TOM1: variants seen among roughly 807,000 people sequenced by gnomAD.
The protein encoded by TOM1 is target of myb1 membrane trafficking protein.
In TOM1, 38 loss-of-function variants were observed where a neutral mutation model predicts 61.3. The ratio of observed to expected loss-of-function variants is 0.62; its 90% CI spans 0.48 to 0.81. The LOEUF (loss-of-function observed/expected upper bound fraction) is 0.81. TOM1 is among the 40% of genes least tolerant of loss of function. TOM1 has a pLI of 0.00. For synonymous variants in TOM1, 270 were observed against 268.8 expected, an observed-to-expected ratio of 1.00 and a Z score of -0.04; for missense variants, 591 against 659.6, an observed-to-expected ratio of 0.90 and a Z score of 1.14.
At chr22:35,299,708 T>G (rs966447593), upstream of TOM1, 2 of 584,480 alleles carry the variant, frequency 3.4e-6, no homozygotes, top group Non-Finnish European at 6.0e-6. Context: ...ACATCGTGTG[T>G]GACGCCCGCC....
chr22:35,330,253 G>T, intron 7 of TOM1, 94 bp from the exon 8 acceptor site: 1 of 1,357,536 alleles, frequency 7.4e-7, no homozygotes. Flanking sequence ...CTGCACTCCA[G>T]CCTGGGCGAC....
chr22:35,320,195 C>T (rs1189161615), intron 2 of TOM1, among the ~76,000 whole-genome samples: 2 of 152,216 alleles, frequency 1.3e-5, no homozygotes, highest in Non-Finnish European at 2.9e-5. Flanking sequence ...CATGGCAGAA[C>T]AGGCCAGGGA....
intron 1 of TOM1, among the ~76,000 whole-genome samples, chr22:35,310,475 A>G (rs1279241212): frequency 6.6e-6 from 1 of 152,164 alleles, no homozygotes; most frequent in African/African-American, 2.4e-5. Flanking sequence ...GTGAACTTCA[A>G]CCCAGTAGTT....
intron 2 of TOM1, among the ~76,000 whole-genome samples, chr22:35,318,878 G>C (rs1269075202): frequency 2.6e-5 from 4 of 152,370 alleles, no homozygotes; most frequent in South Asian, 2.1e-4. Flanking sequence ...CCCGCGGCCA[G>C]TGCAGGGTTC....
intron 13 of TOM1, 65 bp downstream of exon 13, chr22:35,345,849 C>A: frequency 6.4e-7 from 1 of 1,553,410 alleles, no homozygotes; most frequent in Non-Finnish European, 8.9e-7. Context: ...AAGAAATGAC[C>A]CATGGGGCCA....
chr22:35,320,782 C>G (rs957845600), intron 2 of TOM1, among the ~76,000 whole-genome samples: 2 of 152,090 alleles, frequency 1.3e-5, no homozygotes, highest in African/African-American at 4.8e-5. Flanking sequence ...ACTGTGTCCC[C>G]AGCACCTAGC....
At chr22:35,338,848 C>A in intron 12 of TOM1, 60 bp downstream of exon 12, 1 of 1,463,074 alleles carries the variant, frequency 6.8e-7, no homozygotes, top group Non-Finnish European at 9.1e-7. Context: ...AGGGAATGCT[C>A]ACCCACTGGG....
chr22:35,316,724 C>G (rs1927319964), intron 1 of TOM1, among the ~76,000 whole-genome samples: 1 of 152,156 alleles, frequency 6.6e-6, no homozygotes, highest in Non-Finnish European at 1.5e-5. Context: ...ACAGGTGTAC[C>G]AAATGCCACT....
chr22:35,332,882 T>C, intron 8 of TOM1, 99 bp from the exon 9 acceptor site: 1 of 1,182,588 alleles, frequency 8.5e-7, no homozygotes, highest in South Asian at 1.2e-5. Flanking sequence ...TAACCCACCG[T>C]GTTGATGTTG....
chr22:35,334,195 G>A, intron 10 of TOM1, 133 bp from the exon 11 acceptor site: 2 of 1,269,000 alleles, frequency 1.6e-6, no homozygotes, highest in Non-Finnish European at 1.1e-6. Flanking sequence ...CAGGTGGCCT[G>A]CCTCGCGCAT....
chr22:35,308,275 C>CTTTTTTTT (rs138770), intron 1 of TOM1, among the ~76,000 whole-genome samples: 5 of 129,444 alleles, frequency 3.9e-5, no homozygotes, highest in Admixed American at 8.3e-5. Flanking sequence ...TTCCTTTTCT[C>CTTTTTTTT]TTTTTTTTTT....
chr22:35,342,832 TAC>T (rs556806233), intron 12 of TOM1, among the ~76,000 whole-genome samples: 12 of 107,758 alleles, frequency 1.1e-4, no homozygotes, highest in South Asian at 3.1e-4. Context: ...CAGACACCCC[TAC>T]ACACACACCA....
intron 11 of TOM1, among the ~76,000 whole-genome samples, chr22:35,336,076 G>A (rs949337928): frequency 3.3e-5 from 5 of 152,178 alleles, no homozygotes; most frequent in African/African-American, 1.2e-4. Context: ...AGGGAGCACA[G>A]GAAGGATCTT....
In TOM1 at chr22:35,323,261, G is replaced by A. The variant is rs963903888; in HGVS notation, c.366+84G>A. ...TGCCCAGTGGAGAGTCGAGGCCATCGTGTTTGTCCCAGGCTCCGCTTCTCA... is the reference window on the plus strand; with the variant it reads ...TGCCCAGTGGAGAGTCGAGGCCATCATGTTTGTCCCAGGCTCCGCTTCTCA... On this transcript the variant is annotated intron_variant, in intron 4 of 14. Transcript: ENST00000449058. The surrounding 1 kb of genome is among the most constrained non-coding windows in gnomAD (Gnocchi z 4.2). 2.4e-5 allele frequency: 37 copies of A among 1,540,564 alleles called. No homozygotes were observed. The highest frequency in any genetic ancestry group is 2.0e-4 in the East Asian group (9 of 44,250).
intron 8 of TOM1, chr22:35,331,341 G>T: frequency 2.2e-6 from 1 of 453,666 alleles, no homozygotes; most frequent in South Asian, 1.6e-5. Flanking sequence ...CAAACTCTTG[G>T]CCTCAAGCAG....
Position 35,323,275 on chromosome 22 carries a change from C to T in TOM1, c.366+98C>T, listed in dbSNP as rs1927990960. The stretch of plus-strand genomic sequence containing the variant: ...TCGAGGCCATCGTGTTTGTCCCAGG[C>T]TCCGCTTCTCATTTCGGGGCGTCTC... On this transcript the variant is annotated intron_variant, in intron 4 of 14. Transcript: ENST00000449058. The surrounding 1 kb of genome is among the most constrained non-coding windows in gnomAD (Gnocchi z 4.2). 1 of 1,505,752 alleles carries T rather than the reference C, an allele frequency of 6.6e-7. No individual in the cohort carries two copies. The highest frequency in any genetic ancestry group is 1.4e-5 in the African/African-American group (1 of 71,244). 93.3% of individuals were successfully genotyped at this position (1,505,752 alleles called of 1,614,324 possible).
chr22:35,303,448 G>A (rs1926028426), intron 1 of TOM1, among the ~76,000 whole-genome samples: 1 of 151,560 alleles, frequency 6.6e-6, no homozygotes, highest in Non-Finnish European at 1.5e-5. Context: ...CACAGTGTGA[G>A]TGTATGGAAA....
Position 35,323,706 on chromosome 22 carries a change from C to T in TOM1, c.502-62C>T. The T allele has an allele frequency of 6.2e-7, 1 of 1,606,728 alleles. No individual in the cohort carries two copies. The highest frequency in any genetic ancestry group is 2.2e-5 in the East Asian group (1 of 44,700). On this transcript the variant is annotated intron_variant, in intron 5 of 14. Coordinates refer to ENST00000449058, the MANE Select transcript of TOM1 (RefSeq NM_005488.3). This position sits in a 1 kb window ranked among gnomAD's most constrained non-coding sequence, Gnocchi z 4.2. ...CCCAGAGACATCACCAGGCTGGCCC[C>T]TGACTTCCTGGGCTCTTGATGTTCC... is the stretch of plus-strand genomic sequence containing the variant.
chr22:35,331,563 C>T (rs541486288), intron 8 of TOM1: 8 of 313,130 alleles, frequency 2.6e-5, no homozygotes, highest in Non-Finnish European at 5.1e-5. Context: ...AGCAGTTCCT[C>T]TAAAGAGTAC....
Sources: allele counts gnomAD v4.1 joint callset (sites outside exome capture counted in the v4.1 genomes callset), GRCh38; gene constraint gnomAD v4.1.1; non-coding constraint Gnocchi (gnomAD v3.1); transcripts MANE v1.5; gene names NCBI Gene and HGNC (gene_info 2026-07-23, HGNC 2026-07-21).